FBN2: variants seen among roughly 807,000 people sequenced by gnomAD.
The protein encoded by FBN2 is fibrillin 2.
Under a neutral mutation model 355.6 loss-of-function variants are expected in FBN2, and 105 were observed. The ratio of observed to expected loss-of-function variants is 0.30; its 90% CI spans 0.25 to 0.35. The LOEUF (loss-of-function observed/expected upper bound fraction) is 0.35, where lower values mean the gene tolerates loss of function less well. Among genes scored for constraint, FBN2 ranks in the 10% least tolerant of loss-of-function variants. The probability of loss-of-function intolerance (pLI) is 1.00; values close to 1 mark genes in which losing one functional copy is unlikely to be tolerated. For missense variants in FBN2, 3,280 were observed against 3,758.7 expected (o/e 0.87, Z 3.33); for synonymous variants, 1,350 against 1,301.2 (o/e 1.04, Z -0.81).
intron 5 of FBN2, among the ~76,000 whole-genome samples, chr5:128,492,178 T>C (rs1755525023): frequency 6.6e-6 from 1 of 152,176 alleles, no homozygotes; most frequent in African/African-American, 2.4e-5. Context: ...AGTATTAATA[T>C]ATGTTCAATC....
At chr5:128,534,854 C>T (rs1050743558) in intron 2 of FBN2, among the ~76,000 whole-genome samples, 1 of 152,006 alleles carries the variant, frequency 6.6e-6, no homozygotes, top group Non-Finnish European at 1.5e-5. Flanking sequence ...TCCTCGGCTG[C>T]TCTCCAACTC....
At chr5:128,367,916 C>G (rs571384785) in intron 16 of FBN2, among the ~76,000 whole-genome samples, 2 of 151,618 alleles carry the variant, frequency 1.3e-5, no homozygotes, top group Non-Finnish European at 2.9e-5. Context: ...CTGGATGCTT[C>G]AAATCATTAT....
chr5:128,263,497 T>C lies in FBN2; in HGVS notation c.8120A>G (p.Asn2707Ser), dbSNP rs1182788018. The C allele has an allele frequency of 3.7e-6, 6 of 1,614,116 alleles. No homozygotes were observed. Among genetic ancestry groups the C allele is most frequent in the Non-Finnish European group, 5.1e-6 (6 of 1,180,000 alleles). ...NECSSSKNPC[N>S]YGCSNTEGGY... is the part of the protein sequence containing the mutation. ...CCCCTCCGTGTTAGAGCAGCCGTAA[T>C]TGCAGGGGTTCTTGGAGGACGAGCA... The change falls in exon 63 of 65, where the codon AAT becomes AGT. Residue 2707 changes from asparagine (N) to serine (S), a missense_variant. Coordinates refer to ENST00000262464, the MANE Select transcript of FBN2 (RefSeq NM_001999.4).
chr5:128,368,855 T>TTA (rs1166548155), intron 16 of FBN2, among the ~76,000 whole-genome samples: 1 of 151,524 alleles, frequency 6.6e-6, no homozygotes, highest in Non-Finnish European at 1.5e-5. Context: ...TTTTTTTTTT[T>TTA]TTTTACCAAG....
At chr5:128,280,364 T>C (rs1261100292) in intron 55 of FBN2, 47 bp from the exon 56 acceptor site, 3 of 1,473,782 alleles carry the variant, frequency 2.0e-6, no homozygotes, top group African/African-American at 2.8e-5. Flanking sequence ...TGTCAAATTA[T>C]AGTTTACAAG....
chr5:128,312,207 T>C (rs1473165202), intron 37 of FBN2, among the ~76,000 whole-genome samples: 3 of 152,204 alleles, frequency 2.0e-5, no homozygotes, highest in Non-Finnish European at 4.4e-5. Flanking sequence ...GCAGCTCTTT[T>C]AGCTAGTAAA....
rs1765499910 is a variant in FBN2 at position 128,280,302 on chromosome 5, C to T, written c.7028G>A (p.Arg2343Lys). The change falls in exon 56 of 65, where the codon AGG becomes AAG. Residue 2343 changes from arginine (R) to lysine (K), a missense_variant. Coordinates refer to ENST00000262464, the MANE Select transcript of FBN2 (RefSeq NM_001999.4). ...GEGCVDENEC[R>K]TKPGICENGR... ...ATTTTCACAGATTCCTGGCTTGGTC[C>T]TGCATTCATTTTCATCTTTAGAAAA... 6.2e-7 allele frequency: 1 copy of T among 1,610,738 alleles called. No homozygotes were observed. Among genetic ancestry groups the T allele is most frequent in the South Asian group, 1.1e-5 (1 of 91,020 alleles).
Position 128,258,446 on chromosome 5 carries a change from T to C in FBN2, c.*1009A>G, listed in dbSNP as rs375097557. 1.2e-4 allele frequency: 19 copies of C among 152,580 alleles called. No homozygotes were observed. The highest frequency in any genetic ancestry group is 3.4e-4 in the African/African-American group (14 of 41,440). The allele number at this position is 152,580 out of a possible 1,614,324, so 9.5% of individuals were successfully genotyped here. ...GCATTGCATGATTTGTTTGCACATA[T>C]GGCAATCCTGAAATAACTTGAACAT... On this transcript the variant is annotated 3_prime_UTR_variant, in exon 65 of 65. Coordinates refer to ENST00000262464, the MANE Select transcript of FBN2 (RefSeq NM_001999.4).
chr5:128,347,532 T>C (rs530554096), intron 23 of FBN2, among the ~76,000 whole-genome samples: 2 of 152,330 alleles, frequency 1.3e-5, no homozygotes, highest in South Asian at 4.1e-4. Flanking sequence ...CACTCATTTA[T>C]ATGTTACATG....
At chr5:128,424,626 T>C (rs558363402) in intron 7 of FBN2, among the ~76,000 whole-genome samples, 1 of 152,310 alleles carries the variant, frequency 6.6e-6, no homozygotes, top group East Asian at 1.9e-4. Flanking sequence ...GAAAATAGTC[T>C]TTGTTATCAT....
At chr5:128,485,311 C>A (rs748001635) in intron 5 of FBN2, among the ~76,000 whole-genome samples, 1 of 152,094 alleles carries the variant, frequency 6.6e-6, no homozygotes, top group Non-Finnish European at 1.5e-5. Flanking sequence ...GCATGAGCCA[C>A]CATGCCTGGC....
rs771959431 is a variant in FBN2, at chr5:128,519,311, G to T, written c.590C>A (p.Ala197Asp). 2 of 1,613,786 alleles carry T rather than the reference G, an allele frequency of 1.2e-6. No individual in the cohort carries two copies. Among genetic ancestry groups the T allele is most frequent in the South Asian group, 2.2e-5 (2 of 91,060 alleles). The change falls in exon 5 of 65, where the codon GCT becomes GAT. Residue 197 changes from alanine to aspartate, a missense_variant. Physicochemically the swap from Ala to Asp is moderately radical, Grantham distance 126 (BLOSUM62 -2). Transcript: ENST00000262464. Reference protein sequence around the residue: ...GGRCIGPNRCACVYGFTGPQC... With the variant: ...GGRCIGPNRCDCVYGFTGPQC... The stretch of plus-strand genomic sequence containing the variant: ...TGGACCAGTGAACCCATAAACACAA[G>T]CACAGCGGTTGGGTCCGATGCAACG...
intron 11 of FBN2, among the ~76,000 whole-genome samples, chr5:128,382,859 C>T (rs555868436): frequency 6.6e-6 from 1 of 152,194 alleles, no homozygotes; most frequent in East Asian, 1.9e-4. Flanking sequence ...AATTTACTAG[C>T]TGGCGTTTTT....
chr5:128,285,823 G>C (rs1749132239), intron 55 of FBN2, among the ~76,000 whole-genome samples: 1 of 152,042 alleles, frequency 6.6e-6, no homozygotes, highest in Non-Finnish European at 1.5e-5. Context: ...AATTCAGCTA[G>C]TTATAAAAAT....
chr5:128,385,747 T>TG (rs1436578153), intron 11 of FBN2, among the ~76,000 whole-genome samples: 1 of 152,194 alleles, frequency 6.6e-6, no homozygotes. Flanking sequence ...TGGTATAATA[T>TG]GGTATCTCAT....
At chr5:128,326,461 C>T (rs1305257050) in intron 34 of FBN2, among the ~76,000 whole-genome samples, 2 of 152,122 alleles carry the variant, frequency 1.3e-5, no homozygotes, top group East Asian at 3.9e-4. Flanking sequence ...TTTATATTCC[C>T]CCATTTTGGT....
chr5:128,297,458 A>T (rs1749556935), intron 48 of FBN2, among the ~76,000 whole-genome samples: 1 of 151,720 alleles, frequency 6.6e-6, no homozygotes, highest in Non-Finnish European at 1.5e-5. Context: ...CCCATTATTA[A>T]TGTGTGGGAG....
At chr5:128,519,925 A>G (rs1369164368) in intron 4 of FBN2, among the ~76,000 whole-genome samples, 1 of 152,152 alleles carries the variant, frequency 6.6e-6, no homozygotes, top group East Asian at 1.9e-4. Context: ...CAAAACAAAG[A>G]AAAGGGGGGA....
rs549011677 is a variant in FBN2, at chr5:128,450,432, C to A, written c.827-3826G>T. Among the ~76,000 whole-genome samples the A allele has an allele frequency of 6.1e-4, 93 of 151,952 alleles. 1 individual carries two copies. The South Asian group carries it at 6.8e-3, about 11-fold the overall frequency. Reference sequence around the variant, plus strand: ...GAAATTTAAACAATATACTTTGAAACAATGCACAGGTCAAAGAAAAAAAAT... The same window carrying A: ...GAAATTTAAACAATATACTTTGAAAAAATGCACAGGTCAAAGAAAAAAAAT... On this transcript the variant is annotated intron_variant, in intron 6 of 64. Transcript: ENST00000262464.
Sources: allele counts gnomAD v4.1 joint callset (sites outside exome capture counted in the v4.1 genomes callset), GRCh38; gene constraint gnomAD v4.1.1; transcripts MANE v1.5; gene names NCBI Gene and HGNC (gene_info 2026-07-23, HGNC 2026-07-21).